SCRIB: variants seen among roughly 807,000 people sequenced by gnomAD.
SCRIB encodes scribble planar cell polarity protein.
Under a neutral mutation model 170.0 loss-of-function variants are expected in SCRIB, and 72 were observed. That is an observed-to-expected ratio of 0.42 (90% CI 0.35 to 0.52). The LOEUF (loss-of-function observed/expected upper bound fraction) is 0.52. SCRIB is among the 20% of genes least tolerant of loss of function. The pLI, the probability that SCRIB is intolerant of heterozygous loss-of-function variation, is 0.02. For synonymous variants in SCRIB, 1,298 were observed against 1,044.3 expected (o/e 1.24, Z -4.68); for missense variants, 2,475 against 2,338.5 (o/e 1.06, Z -1.20).
At chr8:143,796,653 G>C (rs1289863227) in intron 24 of SCRIB, among the ~76,000 whole-genome samples, 1 of 152,214 alleles carries the variant, frequency 6.6e-6, no homozygotes, top group African/African-American at 2.4e-5. Flanking sequence ...CTAGAAACGC[G>C]AGTGTCGTAA....
Position 143,806,095 on chromosome 8 carries a change from A to T in SCRIB, c.2346+312T>A, listed in dbSNP as rs1815412660. Among the ~76,000 whole-genome samples the T allele has an allele frequency of 2.6e-5, 4 of 152,134 alleles. No individual in the cohort carries two copies. The South Asian group carries it at 8.3e-4, about 32-fold the overall frequency. Reference sequence around the variant, plus strand: ...TCAGCCCAGGAGCGGCCCCTCCTGGAGAGGCCACTGTGCCAGGTGCAGCTG... The same window carrying T: ...TCAGCCCAGGAGCGGCCCCTCCTGGTGAGGCCACTGTGCCAGGTGCAGCTG... On this transcript the variant is annotated intron_variant, in intron 18 of 36. Coordinates refer to ENST00000356994, the MANE Select transcript of SCRIB (RefSeq NM_182706.5).
rs755734179 is a variant in SCRIB at position 143,809,045 on chromosome 8, A to G, written c.1699-20T>C. The G allele has an allele frequency of 6.3e-7, 1 of 1,596,860 alleles. No homozygotes were observed. Among genetic ancestry groups the G allele is most frequent in the Non-Finnish European group, 8.5e-7 (1 of 1,171,444 alleles). On this transcript the variant is annotated intron_variant, in intron 14 of 36. Coordinates refer to ENST00000356994, the MANE Select transcript of SCRIB (RefSeq NM_182706.5). ...CGTGGGCTGTGCGGACAAAAGGGTG[A>G]GGGTGGCCCCAGCTCTGTGGCTGTG...
At chr8:143,805,051 A>G (rs2130080755) in intron 19 of SCRIB, 37 bp from the exon 20 acceptor site, 1 of 1,582,310 alleles carries the variant, frequency 6.3e-7, no homozygotes, top group African/African-American at 1.3e-5. Context: ...GCTGCCGGTG[A>G]GGCTGGAGTG....
chr8:143,792,091 G>A lies in SCRIB; in HGVS notation c.4557C>T (p.Val1519=). The change falls in exon 33 of 37, where the codon GTC becomes GTT. Residue 1519 remains valine (V), a synonymous_variant. Transcript: ENST00000356994. ...LEQDALRAQM[V]LSRSQEGRGT... ...CCCGGCCTTCCTGGGACCTGCTGAG[G>A]ACCATCTGTGCTCGGAGAGCGTCCT... 1 of 1,593,010 alleles carries A rather than the reference G, an allele frequency of 6.3e-7. No individual in the cohort carries two copies. The highest frequency in any genetic ancestry group is 8.5e-7 in the Non-Finnish European group (1 of 1,175,860).
chr8:143,808,516 T>C, intron 15 of SCRIB, 93 bp downstream of exon 15: 2 of 1,427,774 alleles, frequency 1.4e-6, no homozygotes, highest in East Asian at 2.5e-5. Flanking sequence ...CAGGGGCCAG[T>C]GGGTCAGGCC....
intron 28 of SCRIB, 109 bp downstream of exon 28, chr8:143,793,791 C>T: frequency 9.1e-7 from 1 of 1,098,124 alleles, no homozygotes; most frequent in Non-Finnish European, 1.3e-6. Context: ...AACAGCACCC[C>T]ACGATGGCCC....
chr8:143,810,969 C>A lies in SCRIB; in HGVS notation c.1210G>T (p.Ala404Ser). ...PMLRFQTEDD[A>S]RTGEKVLTCY... Reference sequence around the variant, plus strand: ...GTGAGCACCTTCTCGCCGGTCCGGGCATCATCCTCCGTCTGGAACCGGAGC... The same window carrying A: ...GTGAGCACCTTCTCGCCGGTCCGGGAATCATCCTCCGTCTGGAACCGGAGC... The change falls in exon 11 of 37, where the codon GCC becomes TCC. Residue 404 changes from alanine (A) to serine (S), a missense_variant. By Grantham distance (99) the Ala-to-Ser change is moderately conservative. This residue lies in a region of SCRIB where 487 missense variants were observed against 558.1 expected (regional missense o/e 0.87). Transcript: ENST00000356994. The A allele has an allele frequency of 6.2e-7, 1 of 1,611,806 alleles. No homozygotes were observed. The highest frequency in any genetic ancestry group is 1.1e-5 in the South Asian group (1 of 90,944).
In SCRIB at chr8:143,807,007, G is replaced by C; in HGVS notation, c.2185C>G (p.Leu729Val). The C allele has an allele frequency of 1.2e-6, 2 of 1,610,636 alleles. No individual in the cohort carries two copies. Among genetic ancestry groups the C allele is most frequent in the Non-Finnish European group, 1.7e-6 (2 of 1,178,370 alleles). The change falls in exon 17 of 37, where the codon CTC becomes GTC. Residue 729 changes from leucine to valine, a missense_variant. Around this residue, in one of 3 missense-constraint regions of SCRIB, gnomAD observed 1,966 missense variants for 1,742.9 expected, o/e 1.13. Coordinates refer to ENST00000356994, the MANE Select transcript of SCRIB (RefSeq NM_182706.5). ...CCCCCAGTCTGCCGCAGGATAGTGA[G>C]GGTCAGCTGGAAACAGAACAGACAG... ...PARIEEEELT[L>V]TILRQTGGLG...
At chr8:143,810,660 C>A (rs745379153) in intron 12 of SCRIB, 26 bp downstream of exon 12, 9 of 1,602,256 alleles carry the variant, frequency 5.6e-6, no homozygotes, top group Non-Finnish European at 6.8e-6. Flanking sequence ...GGCAGAGGTT[C>A]GCCCCCCAGA....
Position 143,803,542 on chromosome 8 carries a change from G to C in SCRIB, c.3444C>G (p.Asp1148Glu). The C allele has an allele frequency of 6.2e-7, 1 of 1,604,002 alleles. No homozygotes were observed. The highest frequency in any genetic ancestry group is 8.5e-7 in the Non-Finnish European group (1 of 1,179,058). ...GCCGCAAACCCACACGCAGCCGACCGTCGCGCCCGGCTGCCCCCGTGGGGC... is the reference window on the plus strand; with the variant it reads ...GCCGCAAACCCACACGCAGCCGACCCTCGCGCCCGGCTGCCCCCGTGGGGC... ...KVSPTGAAGR[D>E]GRLRVGLRLL... is the part of the protein sequence containing the mutation. The change falls in exon 24 of 37, where the codon GAC becomes GAG. Residue 1148 changes from aspartate (D) to glutamate (E), a missense_variant. Coordinates refer to ENST00000356994, the MANE Select transcript of SCRIB (RefSeq NM_182706.5).
At chr8:143,809,770 G>A (rs1455070386) in intron 13 of SCRIB, 52 bp from the exon 14 acceptor site, 1 of 1,579,802 alleles carries the variant, frequency 6.3e-7, no homozygotes, top group South Asian at 1.1e-5. Flanking sequence ...CTCACAGGCT[G>A]GCCACCTGGG....
chr8:143,805,074 C>G (rs782077005), intron 19 of SCRIB, 38 bp downstream of exon 19: 6 of 1,588,808 alleles, frequency 3.8e-6, no homozygotes, highest in Non-Finnish European at 4.3e-6. Flanking sequence ...GCTGTCAGCT[C>G]TAGAGCAGCC....
At chr8:143,798,709 C>T (rs1295969611) in intron 24 of SCRIB, among the ~76,000 whole-genome samples, 8 of 152,118 alleles carry the variant, frequency 5.3e-5, no homozygotes, top group Admixed American at 5.2e-4. Flanking sequence ...ACAGTACAAA[C>T]TCAGGATTTG....
At position 143,813,371 on chromosome 8, in the gene SCRIB, G is replaced by A. The variant is rs979668685; in HGVS notation, c.507C>T (p.Ser169=). The A allele has an allele frequency of 7.4e-6, 12 of 1,613,500 alleles. No individual in the cohort carries two copies. Among genetic ancestry groups the A allele is most frequent in the Admixed American group, 3.3e-5 (2 of 60,004 alleles). The change falls in exon 6 of 37, where the codon TCC becomes TCT. Residue 169 remains serine, a synonymous_variant. Coordinates refer to ENST00000356994, the MANE Select transcript of SCRIB (RefSeq NM_182706.5). ...RENLLKSLPA[S]LSFLVKLEQL... ...GTTCCAGCTTGACCAGAAATGACAGGGACCTGCAGAGGAAGCAGGGTGGAG... is the reference window on the plus strand; with the variant it reads ...GTTCCAGCTTGACCAGAAATGACAGAGACCTGCAGAGGAAGCAGGGTGGAG...
At position 143,813,714 on chromosome 8, in the gene SCRIB, G is replaced by T. The variant is rs1188562889; in HGVS notation, c.369C>A (p.Gly123=). 5 of 1,613,574 alleles carry T rather than the reference G, an allele frequency of 3.1e-6. No homozygotes were observed. Among genetic ancestry groups the T allele is most frequent in the Non-Finnish European group, 3.4e-6 (4 of 1,180,014 alleles). The change falls in exon 4 of 37, where the codon GGC becomes GGA. Residue 123 remains glycine (G), a synonymous_variant. Coordinates refer to ENST00000356994, the MANE Select transcript of SCRIB (RefSeq NM_182706.5). ...SGNPLSRLPD[G]FTQLRSLAHL... ...GAGCCAGGCTGCGCAGCTGAGTGAA[G>T]CCATCAGGGAGCCTGGATGGGAGGA... is the stretch of plus-strand genomic sequence containing the variant.
rs149444015 is a variant in SCRIB, at chr8:143,808,654, C to T, written c.2070G>A (p.Glu690=). ...NRAEEEEAST[E]EEDKEGAVVS... ...CCACGGCCCCCTCCTTGTCCTCCTCCTCAGTGCTGGCCTCTTCCTCTTCAG... is the reference window on the plus strand; with the variant it reads ...CCACGGCCCCCTCCTTGTCCTCCTCTTCAGTGCTGGCCTCTTCCTCTTCAG... The change falls in exon 15 of 37, where the codon GAG becomes GAA. Residue 690 remains glutamate, a synonymous_variant. Coordinates refer to ENST00000356994, the MANE Select transcript of SCRIB (RefSeq NM_182706.5). The T allele has an allele frequency of 1.3e-4, 200 of 1,521,956 alleles. No homozygotes were observed. The highest frequency in any genetic ancestry group is 1.1e-3 in the Middle Eastern group (6 of 5,602). 94.3% of individuals were successfully genotyped at this position (1,521,956 alleles called of 1,614,324 possible).
Position 143,792,729 on chromosome 8 carries a change from G to A in SCRIB, c.4156C>T (p.Arg1386Trp), listed in dbSNP as rs782369681. The A allele has an allele frequency of 2.8e-5, 44 of 1,589,118 alleles. No homozygotes were observed. Among genetic ancestry groups the A allele is most frequent in the East Asian group, 1.1e-4 (5 of 44,268 alleles). ...TCACCTTCCTCCTCCTGCATCTTCC[G>A]CAGGTCGTCAGCACCCACCAGGGAC... ...RVSLVGADDL[R>W]KMQEEEARKL... Residue 1386 changes from arginine (R) to tryptophan (W), a missense_variant, in exon 30 of 37, where the codon CGG becomes TGG. By Grantham distance (101) the Arg-to-Trp change is moderately radical (BLOSUM62 -3). Around this residue, in one of 3 missense-constraint regions of SCRIB, gnomAD observed 1,966 missense variants for 1,742.9 expected, o/e 1.13. Transcript: ENST00000356994.
chr8:143,794,921 C>A (rs978668602), intron 27 of SCRIB, 117 bp downstream of exon 27: 74 of 990,886 alleles, frequency 7.5e-5, no homozygotes, highest in Admixed American at 5.5e-4. Flanking sequence ...GTGGCCTCCT[C>A]CCACCCCAGC....
chr8:143,809,380 A>G (rs575216433), intron 14 of SCRIB, among the ~76,000 whole-genome samples, 171 bp downstream of exon 14: 1 of 152,184 alleles, frequency 6.6e-6, no homozygotes, highest in South Asian at 2.1e-4. Context: ...GGGCACCCCC[A>G]GCAGCACGGC....
Sources: gnomAD v4.1 joint callset for allele counts (sites outside exome capture counted in the v4.1 genomes callset) on GRCh38, gnomAD v4.1.1 for gene constraint, gnomAD v4.1.1 regional missense constraint, MANE v1.5 for transcripts, NCBI Gene and HGNC (gene_info 2026-07-23, HGNC 2026-07-21) for gene names.